The following PLXNA1 variants were observed in gnomAD, a reference collection of about 807,000 sequenced individuals.
PLXNA1 encodes plexin-A1.
In PLXNA1, 77 loss-of-function variants were observed where a neutral mutation model predicts 191.7. The observed-to-expected ratio is 0.40, with a 90% CI of 0.33 to 0.49. PLXNA1 has a LOEUF of 0.49. Ranked by LOEUF, PLXNA1 falls within the 20% of genes least tolerant of loss-of-function variation. The pLI is 0.63. For missense variants in PLXNA1, 2,110 were observed against 2,660.2 expected, an observed-to-expected ratio of 0.79 and a Z score of 4.55; for synonymous variants, 1,137 against 1,156.4, an observed-to-expected ratio of 0.98 and a Z score of 0.34.
rs1338912766 is a variant in PLXNA1 at position 127,010,486 on chromosome 3, A to G, written c.2113-1472A>G. 2.6e-5 allele frequency among the ~76,000 whole-genome samples: 4 copies of G among 151,824 alleles called. No homozygotes were observed. The South Asian group carries it at 6.2e-4, about 24-fold the overall frequency. ...GTTGGGGAGGAGATGGGGTGGGGGT[A>G]TGGGGAGCACCTGAGAGGACCGGGT... On this transcript the variant is annotated intron_variant, in intron 9 of 31. Coordinates refer to ENST00000393409, the MANE Select transcript of PLXNA1 (RefSeq NM_032242.4).
intron 1 of PLXNA1, among the ~76,000 whole-genome samples, chr3:126,984,227 C>T (rs1001375523): frequency 6.6e-6 from 1 of 152,168 alleles, no homozygotes; most frequent in African/African-American, 2.4e-5. Flanking sequence ...CGAGGGGCGG[C>T]CCCGGGCGGC....
chr3:127,025,012 T>C (rs916923468), intron 23 of PLXNA1, among the ~76,000 whole-genome samples: 9 of 152,252 alleles, frequency 5.9e-5, no homozygotes, highest in African/African-American at 1.9e-4. Flanking sequence ...GTCTCCCCAC[T>C]GTCAGCATCC....
intron 31 of PLXNA1, among the ~76,000 whole-genome samples, chr3:127,033,625 T>C (rs1323834757): frequency 9.9e-5 from 15 of 151,924 alleles, no homozygotes; most frequent in Admixed American, 9.8e-4. Flanking sequence ...AGCTCTGCTT[T>C]AAAGGGGCAC....
At chr3:127,008,042 G>A in intron 9 of PLXNA1, 129 bp downstream of exon 9, 1 of 615,068 alleles carries the variant, frequency 1.6e-6, no homozygotes, top group Non-Finnish European at 2.8e-6. Flanking sequence ...GTCACCGTGT[G>A]GTGCATGCAC....
At chr3:127,013,167 A>G (rs1251298171) in intron 10 of PLXNA1, among the ~76,000 whole-genome samples, 2 of 152,150 alleles carry the variant, frequency 1.3e-5, no homozygotes, top group Admixed American at 1.3e-4. Flanking sequence ...AGCTATCTGG[A>G]GTTCTCTCTG....
chr3:126,991,411 G>A lies in PLXNA1; in HGVS notation c.1222G>A (p.Gly408Arg), dbSNP rs550124268. ...SPLQIDDDFC[G>R]QDFNQPLGGT... ...CCTGCAGATCGATGACGACTTCTGC[G>A]GGCAGGACTTCAACCAGCCCCTGGG... Residue 408 changes from glycine to arginine, a missense_variant, in exon 3 of 32, where the codon GGG (glycine) becomes AGG (arginine). By Grantham distance (125) the Gly-to-Arg change is moderately radical. Transcript: ENST00000393409. The A allele has an allele frequency of 2.5e-6, 4 of 1,612,626 alleles. No homozygotes were observed. Among genetic ancestry groups the A allele is most frequent in the Non-Finnish European group, 3.4e-6 (4 of 1,179,872 alleles).
chr3:127,030,899 C>A (rs749523694), intron 29 of PLXNA1, among the ~76,000 whole-genome samples: 1 of 152,188 alleles, frequency 6.6e-6, no homozygotes, highest in Non-Finnish European at 1.5e-5. Flanking sequence ...CACGGTCTCA[C>A]GGAGCAGCTG....
rs79788377 is a variant in PLXNA1, at chr3:127,027,390, C to A, written c.4363-550C>A. ...CCTCCTCAGGTGGGTATGTCAGTAT[C>A]CATGACACACCATAGTTGTGTCCCA... On this transcript the variant is annotated intron_variant, in intron 23 of 31. Coordinates refer to ENST00000393409, the MANE Select transcript of PLXNA1 (RefSeq NM_032242.4). 3.8e-4 allele frequency: 133 copies of A among 353,524 alleles called. 8 individuals carry two copies. The East Asian group carries it at 9.2e-3, about 24-fold the overall frequency. 21.9% of individuals were successfully genotyped at this position (353,524 alleles called of 1,614,324 possible).
rs539642344 is a variant in PLXNA1, at chr3:126,996,200, C to T, written c.1377+4634C>T. On this transcript the variant is annotated intron_variant, in intron 3 of 31. Transcript: ENST00000393409. Reference sequence around the variant, plus strand: ...TGGCCTGCGGGGCCTGGAGCTGGAGCGAAGCCTCTGGAGCCCTGCGCAGCG... The same window carrying T: ...TGGCCTGCGGGGCCTGGAGCTGGAGTGAAGCCTCTGGAGCCCTGCGCAGCG... 5.7e-3 allele frequency among the ~76,000 whole-genome samples: 873 copies of T among 152,276 alleles called. 9 individuals carry two copies. Among genetic ancestry groups the T allele is most frequent in the African/African-American group, 0.02 (824 of 41,542 alleles).
At chr3:127,009,066 G>C (rs925786089) in intron 9 of PLXNA1, among the ~76,000 whole-genome samples, 11 of 152,158 alleles carry the variant, frequency 7.2e-5, no homozygotes, top group African/African-American at 2.7e-4. Context: ...GGCGAGAGCT[G>C]GTCCTGGGGG....
intron 9 of PLXNA1, among the ~76,000 whole-genome samples, chr3:127,011,114 A>C (rs978580653): frequency 1.3e-5 from 2 of 152,220 alleles, no homozygotes; most frequent in Admixed American, 1.3e-4. Flanking sequence ...AGGTATGGCC[A>C]CTGTGCGTGC....
chr3:127,016,187 G>C (rs756382151), intron 15 of PLXNA1, among the ~76,000 whole-genome samples: 8 of 152,102 alleles, frequency 5.3e-5, no homozygotes, highest in Non-Finnish European at 1.2e-4. Flanking sequence ...GGGAGGCAGA[G>C]GCCTGGTGGG....
At chr3:127,004,773 AG>A in intron 5 of PLXNA1, 62 bp downstream of exon 5, 1 of 1,586,536 alleles carries the variant, frequency 6.3e-7, no homozygotes, top group Non-Finnish European at 8.6e-7. Context: ...ACAGTGGGGG[AG>A]GGGGAGCCTG....
chr3:127,031,129 C>T (rs1174571389), intron 29 of PLXNA1, among the ~76,000 whole-genome samples: 1 of 152,210 alleles, frequency 6.6e-6, no homozygotes, highest in Non-Finnish European at 1.5e-5. Context: ...GACTGCCCAA[C>T]TCAGCAATGT....
Position 127,003,138 on chromosome 3 carries a change from A to ACTGGGG in PLXNA1, c.1378-161_1378-156dup, listed in dbSNP as rs201384868. On this transcript the variant is annotated intron_variant, in intron 3 of 31. Transcript: ENST00000393409. The stretch of plus-strand genomic sequence containing the variant: ...CTGTTGGGGTCTGAGTTTGCCCTGC[A>ACTGGGG]CTGGGGCTGGGGCTGGGGCTGGGGC... Among the ~76,000 whole-genome samples, 230 of 149,150 alleles carry ACTGGGG rather than the reference A, an allele frequency of 1.5e-3. 5 individuals carry two copies. In the East Asian group the frequency reaches 0.025, roughly 16 times the overall value.
chr3:127,030,187 G>A (rs773503020), intron 28 of PLXNA1, 56 bp from the exon 29 acceptor site: 1 of 1,596,818 alleles, frequency 6.3e-7, no homozygotes, highest in Non-Finnish European at 8.6e-7. Context: ...TCACCCAGGA[G>A]GTGTAGGCAG....
At chr3:127,026,189 C>T (rs569914425) in intron 23 of PLXNA1, among the ~76,000 whole-genome samples, 1 of 152,324 alleles carries the variant, frequency 6.6e-6, no homozygotes, top group African/African-American at 2.4e-5. Flanking sequence ...TCTTCCCTGG[C>T]CTCTGAGCTC....
intron 3 of PLXNA1, among the ~76,000 whole-genome samples, chr3:127,001,882 G>A (rs951405555): frequency 1.1e-4 from 16 of 152,248 alleles, no homozygotes; most frequent in Non-Finnish European, 1.5e-5. Flanking sequence ...GTCCTGGCTG[G>A]CATCCGCCTG....
At chr3:127,029,360 G>T (rs1280980294) in intron 26 of PLXNA1, 80 bp from the exon 27 acceptor site, 1 of 1,348,820 alleles carries the variant, frequency 7.4e-7, no homozygotes, top group East Asian at 2.3e-5. Context: ...GTGTCACCGG[G>T]GTCCCCAGCC....
Sources: gnomAD v4.1 joint callset for allele counts (sites outside exome capture counted in the v4.1 genomes callset) on GRCh38, gnomAD v4.1.1 for gene constraint, MANE v1.5 for transcripts, NCBI Gene and HGNC (gene_info 2026-07-23, HGNC 2026-07-21) for gene names.